The following TBCD variants were observed in gnomAD, a reference collection of about 807,000 sequenced individuals.
The protein encoded by TBCD is tubulin-specific chaperone D.
A neutral mutation model predicts 169.3 loss-of-function variants in TBCD; 105 were observed. The observed-to-expected ratio is 0.62, with a 90% CI of 0.53 to 0.73. The LOEUF (loss-of-function observed/expected upper bound fraction) is 0.73. Among genes scored for constraint, TBCD ranks in the 30% least tolerant of loss-of-function variants. The probability of loss-of-function intolerance (pLI) is 0.00; values close to 1 mark genes in which losing one functional copy is unlikely to be tolerated. For synonymous variants in TBCD, 700 were observed against 643.9 expected (o/e 1.09, Z -1.32); for missense variants, 1,444 against 1,600.1 (o/e 0.90, Z 1.66).
intron 6 of TBCD, among the ~76,000 whole-genome samples, chr17:82,777,664 G>C (rs1290311210): frequency 6.6e-6 from 1 of 152,220 alleles, no homozygotes; most frequent in Non-Finnish European, 1.5e-5. Context: ...ATTTGCTACT[G>C]CTAACTAAAC....
At chr17:82,868,939 C>T (rs185928776) in intron 13 of TBCD, among the ~76,000 whole-genome samples, 5 of 151,176 alleles carry the variant, frequency 3.3e-5, no homozygotes, top group East Asian at 2.0e-4. Context: ...GAGACCCTGG[C>T]GTGTGCGTGG....
At chr17:82,941,833 G>A (rs1300436707) in intron 38 of TBCD, 3 of 316,792 alleles carry the variant, frequency 9.5e-6, no homozygotes, top group Non-Finnish European at 1.7e-5. Flanking sequence ...TGCTTCCCAT[G>A]AGTGGGGCCG....
At chr17:82,804,061 C>T (rs2050771796) in intron 9 of TBCD, among the ~76,000 whole-genome samples, 3 of 111,350 alleles carry the variant, frequency 2.7e-5, no homozygotes, top group African/African-American at 1.1e-4. Flanking sequence ...CGGGGTGCAC[C>T]TGCCTGTAGA....
At chr17:82,758,384 G>GGAAAAAAAAAAAAAAAA (rs1555672563) in intron 2 of TBCD, among the ~76,000 whole-genome samples, 5 of 25,018 alleles carry the variant, frequency 2.0e-4, no homozygotes, top group African/African-American at 2.0e-4. Context: ...AAACGTCTCG[G>GGAAAAAAAAAAAAAAAA]AAAAAAAAAA....
At chr17:82,808,723 G>T (rs1468928726) in intron 11 of TBCD, among the ~76,000 whole-genome samples, 1 of 144,076 alleles carries the variant, frequency 6.9e-6, no homozygotes, top group African/African-American at 2.6e-5. Flanking sequence ...TGAGGCAGGT[G>T]CAGGGGCCGG....
At chr17:82,847,963 T>A (rs928759691) in intron 13 of TBCD, among the ~76,000 whole-genome samples, 1 of 152,202 alleles carries the variant, frequency 6.6e-6, no homozygotes. Flanking sequence ...TGGGGCTAAC[T>A]TAATTTTTTC....
At position 82,945,423 on chromosome 17, in the gene TBCD, A is replaced by C. The variant is rs2063624415; in HGVS notation, c.*2960A>C. 1 of 152,222 alleles carries C rather than the reference A, an allele frequency of 6.6e-6. No individual in the cohort carries two copies. Among genetic ancestry groups the C allele is most frequent in the African/African-American group, 2.4e-5 (1 of 41,452 alleles). 9.4% of individuals were successfully genotyped at this position (152,222 alleles called of 1,614,324 possible). On this transcript the variant is annotated 3_prime_UTR_variant, in exon 39 of 39. Coordinates refer to ENST00000355528, the MANE Select transcript of TBCD (RefSeq NM_005993.5). ...TAGACCTGCCACAGTGAAACTGCAG[A>C]ACTGTAAGAAGGACAGAGTGATATA...
chr17:82,866,973 C>G (rs188786823), intron 13 of TBCD, among the ~76,000 whole-genome samples: 1 of 152,220 alleles, frequency 6.6e-6, no homozygotes, highest in African/African-American at 2.4e-5. Flanking sequence ...GGAAGGCCTG[C>G]GTGTGTGTGT....
chr17:82,937,867 C>G lies in TBCD; in HGVS notation c.3282-182C>G, dbSNP rs151039410. On this transcript the variant is annotated intron_variant, in intron 35 of 38. Transcript: ENST00000355528. ...ACAGTGACTTTCCAAGTGCGACACT[C>G]GTGTGTGTAGGCACAGTGCAGATGT... 711 of 1,508,730 alleles carry G rather than the reference C, an allele frequency of 4.7e-4. 1 individual carries two copies. The highest frequency in any genetic ancestry group is 7.2e-4 in the South Asian group (59 of 82,100). The allele number at this position is 1,508,730 out of a possible 1,614,324, so 93.5% of individuals were successfully genotyped here.
At chr17:82,862,836 C>G (rs1445751560) in intron 13 of TBCD, among the ~76,000 whole-genome samples, 1 of 152,212 alleles carries the variant, frequency 6.6e-6, no homozygotes, top group Non-Finnish European at 1.5e-5. Flanking sequence ...CCACCCCAGG[C>G]CGGGGCCTCA....
At chr17:82,757,632 A>C (rs546159205) in intron 2 of TBCD, among the ~76,000 whole-genome samples, 103 of 151,500 alleles carry the variant, frequency 6.8e-4, no homozygotes, top group Admixed American at 1.0e-3. Flanking sequence ...AAAAAAAAAA[A>C]AAAACCAAAA....
intron 13 of TBCD, among the ~76,000 whole-genome samples, chr17:82,842,109 G>A (rs1056094380): frequency 1.3e-5 from 2 of 152,246 alleles, no homozygotes; most frequent in Admixed American, 6.5e-5. Flanking sequence ...ACCTCTCAGC[G>A]GCAGGAGTGC....
In TBCD at chr17:82,941,380, G is replaced by C. The variant is rs1175897395; in HGVS notation, c.3480-19G>C. The C allele has an allele frequency of 6.4e-7, 1 of 1,568,894 alleles. No individual in the cohort carries two copies. The highest frequency in any genetic ancestry group is 8.6e-7 in the Non-Finnish European group (1 of 1,162,678). On this transcript the variant is annotated intron_variant, in intron 37 of 38. Coordinates refer to ENST00000355528, the MANE Select transcript of TBCD (RefSeq NM_005993.5). The stretch of plus-strand genomic sequence containing the variant: ...CCGGTGGGCACTCGAGAGACTCACG[G>C]CTCTCCCTCTCCTCACAGGGACGCG...
intron 6 of TBCD, among the ~76,000 whole-genome samples, chr17:82,774,054 TA>T (rs56914523): frequency 6.6e-5 from 10 of 150,484 alleles, no homozygotes; most frequent in Admixed American, 2.0e-4. Context: ...TTTTTTTTTT[TA>T]ATTTTTTTAG....
chr17:82,830,101 T>A (rs539955576), intron 13 of TBCD: 23 of 1,611,758 alleles, frequency 1.4e-5, no homozygotes, highest in Non-Finnish European at 1.9e-5. Flanking sequence ...GGAAGGCGTG[T>A]GTGTGGCCGT....
intron 13 of TBCD, among the ~76,000 whole-genome samples, chr17:82,827,584 C>T (rs781656660): frequency 6.6e-6 from 1 of 152,194 alleles, no homozygotes; most frequent in Non-Finnish European, 1.5e-5. Context: ...TGCACGCTCA[C>T]ACACATGCAC....
intron 6 of TBCD, among the ~76,000 whole-genome samples, chr17:82,776,232 G>A (rs1043465100): frequency 2.0e-5 from 3 of 151,904 alleles, no homozygotes; most frequent in African/African-American, 7.3e-5. Flanking sequence ...AAAAAAAGAG[G>A]TACGCTGTAT....
intron 12 of TBCD, among the ~76,000 whole-genome samples, chr17:82,813,883 G>A (rs944193921): frequency 5.9e-5 from 9 of 152,200 alleles, no homozygotes; most frequent in Admixed American, 6.5e-5. Context: ...TCCTCTCTGG[G>A]CTGGGCACGC....
At chr17:82,840,962 T>TTGTTTTTTG (rs2054458091) in intron 13 of TBCD, among the ~76,000 whole-genome samples, 1 of 130,460 alleles carries the variant, frequency 7.7e-6, no homozygotes, top group African/African-American at 3.0e-5. Context: ...TGGTTTTTTT[T>TTGTTTTTTG]TTTTTTTTTT....
Sources: allele counts gnomAD v4.1 joint callset (sites outside exome capture counted in the v4.1 genomes callset), GRCh38; gene constraint gnomAD v4.1.1; transcripts MANE v1.5; gene names NCBI Gene and HGNC (gene_info 2026-07-23, HGNC 2026-07-21).